Variants in PTGR2 observed in about 807,000 individuals in gnomAD.
The protein encoded by PTGR2 is 15-oxoprostaglandin 13-reductase.
PTGR2 carries 32 observed loss-of-function variants against 43.4 expected under a neutral mutation model. The ratio of observed to expected loss-of-function variants is 0.74; its 90% CI spans 0.56 to 0.99. The LOEUF is 0.99. PTGR2 is among the 50% of genes least tolerant of loss of function. The probability of loss-of-function intolerance (pLI) is 0.00; values close to 1 mark genes in which losing one functional copy is unlikely to be tolerated. For missense variants in PTGR2, 373 were observed against 420.0 expected, an observed-to-expected ratio of 0.89 and a Z score of 0.98; for synonymous variants, 106 against 139.2, an observed-to-expected ratio of 0.76 and a Z score of 1.68.
At chr14:73,883,975 CTT>C in intron 9 of PTGR2, 124 bp from the exon 10 acceptor site, 1 of 646,590 alleles carries the variant, frequency 1.5e-6, no homozygotes, top group Non-Finnish European at 2.7e-6. Flanking sequence ...TGACCATTTT[CTT>C]CTATGCTTAA....
chr14:73,878,802 A>C (rs2054919397), intron 5 of PTGR2: 1 of 374,830 alleles, frequency 2.7e-6, no homozygotes, highest in South Asian at 2.6e-5. Flanking sequence ...AGGTATATTA[A>C]ATGCATTTTT....
At chr14:73,857,664 G>GTTTTTTGTTTTTT (rs2054384045) in intron 1 of PTGR2, among the ~76,000 whole-genome samples, 1 of 64,696 alleles carries the variant, frequency 1.5e-5, no homozygotes, top group African/African-American at 6.2e-5. Flanking sequence ...AGCAGTTAGT[G>GTTTTTTGTTTTTT]TTTTTTTTTT....
intron 3 of PTGR2, among the ~76,000 whole-genome samples, chr14:73,863,266 A>C (rs1456408153): frequency 6.6e-6 from 1 of 151,986 alleles, no homozygotes; most frequent in African/African-American, 2.4e-5. Context: ...AGATTTGCCT[A>C]TTCTGGCCAT....
chr14:73,868,897 C>T (rs1348363001), intron 3 of PTGR2, among the ~76,000 whole-genome samples: 1 of 152,156 alleles, frequency 6.6e-6, no homozygotes, highest in Non-Finnish European at 1.5e-5. Context: ...GCCCTCCCCT[C>T]TCGGCAACTG....
intron 3 of PTGR2, among the ~76,000 whole-genome samples, chr14:73,866,625 C>G (rs2140249284): frequency 6.6e-6 from 1 of 152,236 alleles, no homozygotes; most frequent in Admixed American, 6.5e-5. Context: ...GTCCACTTAA[C>G]TAGGCCATGG....
intron 3 of PTGR2, among the ~76,000 whole-genome samples, chr14:73,867,123 AAAGAAG>A (rs373156555): frequency 2.0e-5 from 3 of 151,476 alleles, no homozygotes; most frequent in East Asian, 1.9e-4. Flanking sequence ...AAAACAAAAA[AAAGAAG>A]AAGAAGAAGG....
At chr14:73,877,269 T>C in intron 5 of PTGR2, 101 bp downstream of exon 5, 1 of 1,149,384 alleles carries the variant, frequency 8.7e-7, no homozygotes, top group South Asian at 1.8e-5. Context: ...AATATAAAAT[T>C]GGATAAATTT....
intron 3 of PTGR2, 131 bp downstream of exon 3, chr14:73,860,788 T>C: frequency 1.8e-6 from 1 of 546,014 alleles, no homozygotes; most frequent in Middle Eastern, 4.5e-4. Flanking sequence ...TGATACCTTT[T>C]AATTATAGAT....
At chr14:73,862,419 G>A (rs981403299) in intron 3 of PTGR2, among the ~76,000 whole-genome samples, 1 of 152,140 alleles carries the variant, frequency 6.6e-6, no homozygotes, top group Non-Finnish European at 1.5e-5. Context: ...GTGTTAGCCA[G>A]GATGGTCTTG....
chr14:73,874,652 G>A (rs1287639291), intron 4 of PTGR2: 6 of 454,986 alleles, frequency 1.3e-5, no homozygotes, highest in South Asian at 1.6e-5. Flanking sequence ...TCCCACCTCA[G>A]CCTCCCAAAG....
intron 9 of PTGR2, among the ~76,000 whole-genome samples, chr14:73,883,188 CTTTTTTTTTTTTTTTTT>C (rs58234739): frequency 2.1e-4 from 12 of 58,124 alleles, no homozygotes; most frequent in Admixed American, 5.3e-4. Context: ...CCTCACCTCC[CTTTTTTTTTTTTTTTTT>C]TTTTTTTTTT....
chr14:73,876,162 T>C (rs761246929), intron 4 of PTGR2, among the ~76,000 whole-genome samples: 79 of 152,174 alleles, frequency 5.2e-4, no homozygotes, highest in Admixed American at 9.2e-4. Flanking sequence ...TGTTTTTTAC[T>C]CTTTACAAAT....
At chr14:73,858,663 T>G (rs1451983094) in intron 1 of PTGR2, 153 bp from the exon 2 acceptor site, 1 of 415,438 alleles carries the variant, frequency 2.4e-6, no homozygotes, top group Non-Finnish European at 4.4e-6. Context: ...TATATTTGCT[T>G]TAGGAGGCAA....
chr14:73,863,635 C>G (rs1346258693), intron 3 of PTGR2, among the ~76,000 whole-genome samples: 1 of 142,102 alleles, frequency 7.0e-6, no homozygotes, highest in Admixed American at 7.1e-5. Context: ...TTTTTTTTGG[C>G]AGACAGTTTC....
At chr14:73,876,578 C>T (rs1186862907) in intron 4 of PTGR2, among the ~76,000 whole-genome samples, 3 of 146,982 alleles carry the variant, frequency 2.0e-5, no homozygotes, top group East Asian at 4.1e-4. Context: ...TGGGTTCAAG[C>T]GATTCTCCTG....
intron 2 of PTGR2, among the ~76,000 whole-genome samples, chr14:73,859,648 A>C (rs1429720152): frequency 1.3e-5 from 2 of 151,814 alleles, no homozygotes; most frequent in Non-Finnish European, 2.9e-5. Flanking sequence ...TCATGCCTCA[A>C]ATTTTTTAAT....
intron 5 of PTGR2, 89 bp from the exon 6 acceptor site, chr14:73,879,007 C>G: frequency 1.9e-6 from 2 of 1,050,002 alleles, no homozygotes; most frequent in East Asian, 4.8e-5. Flanking sequence ...TGAACACTGT[C>G]ATATACCTGT....
In PTGR2 at chr14:73,873,952, A is replaced by C. The variant is rs1033243121; in HGVS notation, c.157-71A>C. The stretch of plus-strand genomic sequence containing the variant: ...AATATATTACTCATTATATGCTTTT[A>C]GTCATTGGGTAAATTAGTAGAGTGG... On this transcript the variant is annotated intron_variant, in intron 3 of 9. Transcript: ENST00000555661. 7 of 1,163,694 alleles carry C rather than the reference A, an allele frequency of 6.0e-6. No homozygotes were observed. The African/African-American group carries it at 1.1e-4, about 18-fold the overall frequency. The allele number at this position is 1,163,694 out of a possible 1,614,324, so 72.1% of individuals were successfully genotyped here. A position where few individuals can be genotyped will look rare whatever the true frequency, so the allele number is the denominator to read the frequency against.
rs762893513 is a variant in PTGR2 at position 73,881,227 on chromosome 14, T to C, written c.874T>C (p.Tyr292His). Residue 292 changes from tyrosine to histidine, a missense_variant, in exon 8 of 10, where the codon TAT becomes CAT. Coordinates refer to ENST00000555661, the MANE Select transcript of PTGR2 (RefSeq NM_001146154.2). ...ITRERFLVLN[Y>H]KDKFEPGILQ... ...CAGGGAAAGATTTCTGGTATTAAAT[T>C]ATAAAGACAAATTTGAGCCTGGCAT... 1 of 1,608,848 alleles carries C rather than the reference T, an allele frequency of 6.2e-7. No individual in the cohort carries two copies.
Sources: allele counts gnomAD v4.1 joint callset (sites outside exome capture counted in the v4.1 genomes callset), GRCh38; gene constraint gnomAD v4.1.1; transcripts MANE v1.5; gene names NCBI Gene and HGNC (gene_info 2026-07-23, HGNC 2026-07-21).